The following CLASP2 variants were observed in gnomAD, a reference collection of about 807,000 sequenced individuals.
The protein encoded by CLASP2 is CLIP-associating protein 2.
Under a neutral mutation model 194.4 loss-of-function variants are expected in CLASP2, and 47 were observed. That is an observed-to-expected ratio of 0.24 (90% CI 0.19 to 0.31). The LOEUF (loss-of-function observed/expected upper bound fraction) is 0.31, where lower values mean the gene tolerates loss of function less well. CLASP2 is among the 10% of genes least tolerant of loss of function. The pLI, the probability that CLASP2 is intolerant of heterozygous loss-of-function variation, is 1.00. For synonymous variants in CLASP2, 619 were observed against 633.5 expected (o/e 0.98, Z 0.34); for missense variants, 1,445 against 1,823.6 (o/e 0.79, Z 3.78).
intron 30 of CLASP2, 182 bp from the exon 31 acceptor site, chr3:33,545,023 C>T (rs1175781652): frequency 2.3e-5 from 8 of 352,236 alleles, no homozygotes; most frequent in Non-Finnish European, 2.5e-5. Context: ...ATTGACCTAC[C>T]TTTTTTTTTT....
intron 1 of CLASP2, among the ~76,000 whole-genome samples, chr3:33,706,399 G>C (rs1283241361): frequency 6.6e-6 from 1 of 152,148 alleles, no homozygotes; most frequent in East Asian, 1.9e-4. Context: ...TAAAATAAAT[G>C]AATCTAAATT....
chr3:33,687,176 T>TA, intron 4 of CLASP2, 41 bp from the exon 5 acceptor site: 1 of 1,277,110 alleles, frequency 7.8e-7, no homozygotes, highest in Non-Finnish European at 1.1e-6. Context: ...AATTTGTTTT[T>TA]AATAAACAGT....
chr3:33,611,949 A>G lies in CLASP2; in HGVS notation c.1388+52T>C, dbSNP rs1410179620. 5.1e-6 allele frequency: 6 copies of G among 1,169,306 alleles called. No individual in the cohort carries two copies. In the Admixed American group the frequency reaches 8.1e-5, roughly 16 times the overall value. 72.4% of individuals were successfully genotyped at this position (1,169,306 alleles called of 1,614,324 possible). On this transcript the variant is annotated intron_variant, in intron 13 of 38. Coordinates refer to ENST00000682230, the MANE Select transcript of CLASP2 (RefSeq NM_001365631.1). ...CTTGCAGCAGACAAATAATTAAACA[A>G]TGCAGTATCAGAGCTATACTAACAA...
intron 34 of CLASP2, among the ~76,000 whole-genome samples, chr3:33,523,524 A>G (rs972282549): frequency 1.3e-5 from 2 of 152,204 alleles, no homozygotes; most frequent in African/African-American, 4.8e-5. Flanking sequence ...TCAAAGTGCT[A>G]AAAGAAAAAA....
At chr3:33,584,550 G>A (rs1163608432) in intron 22 of CLASP2, among the ~76,000 whole-genome samples, 200 bp downstream of exon 22, 3 of 151,860 alleles carry the variant, frequency 2.0e-5, no homozygotes, top group African/African-American at 7.3e-5. Flanking sequence ...ACAGGCATGA[G>A]CCACTGTGCC....
At chr3:33,647,680 C>G (rs1293339574) in intron 7 of CLASP2, among the ~76,000 whole-genome samples, 9 of 152,152 alleles carry the variant, frequency 5.9e-5, no homozygotes. Flanking sequence ...AACAGGAGGG[C>G]AGATGGTTTT....
intron 23 of CLASP2, among the ~76,000 whole-genome samples, chr3:33,578,929 A>G (rs1455513287): frequency 6.6e-6 from 1 of 152,182 alleles, no homozygotes; most frequent in Admixed American, 6.5e-5. Context: ...TAAACTTGTG[A>G]TTCATCTGCT....
rs1320971713 is a variant in CLASP2, at chr3:33,497,494, G to C, written c.*1137C>G. 1.3e-5 allele frequency: 2 copies of C among 152,660 alleles called. No homozygotes were observed. Among genetic ancestry groups the C allele is most frequent in the East Asian group, 3.9e-4 (2 of 5,186 alleles). The allele number at this position is 152,660 out of a possible 1,614,324, so 9.5% of individuals were successfully genotyped here. ...GTAACAGAAAATCACCCTTTAAGTA[G>C]TTTTCCAAAAGACACTATAGGCAGC... is the stretch of plus-strand genomic sequence containing the variant. On this transcript the variant is annotated 3_prime_UTR_variant, in exon 39 of 39. Coordinates refer to ENST00000682230, the MANE Select transcript of CLASP2 (RefSeq NM_001365631.1).
At chr3:33,678,105 T>A (rs2089155293) in intron 6 of CLASP2, among the ~76,000 whole-genome samples, 1 of 151,852 alleles carries the variant, frequency 6.6e-6, no homozygotes, top group South Asian at 2.1e-4. Context: ...CAGAAGAGAC[T>A]ATCCAAGAAC....
chr3:33,677,087 C>G (rs7372802), intron 6 of CLASP2, among the ~76,000 whole-genome samples: 63,649 of 150,882 alleles, frequency 0.42, 13,662 homozygotes, highest in Admixed American at 0.52. Context: ...GAAATAGGAA[C>G]ACTTTTACAC....
intron 2 of CLASP2, among the ~76,000 whole-genome samples, chr3:33,695,293 T>C (rs201305543): frequency 1.4e-5 from 2 of 142,224 alleles, no homozygotes; most frequent in East Asian, 4.2e-4. Flanking sequence ...ACTCCTGTCC[T>C]CAAGCAATCC....
At chr3:33,700,247 C>G (rs1559677425) in intron 1 of CLASP2, among the ~76,000 whole-genome samples, 1 of 150,328 alleles carries the variant, frequency 6.7e-6, no homozygotes, top group African/African-American at 2.4e-5. Context: ...GCCAGCATGG[C>G]AAAACCCCAT....
intron 1 of CLASP2, among the ~76,000 whole-genome samples, chr3:33,705,474 G>T (rs1010201836): frequency 2.0e-5 from 3 of 152,140 alleles, no homozygotes; most frequent in Non-Finnish European, 4.4e-5. Flanking sequence ...TTACTGTGGT[G>T]ATGGGTGCAC....
intron 7 of CLASP2, among the ~76,000 whole-genome samples, chr3:33,659,913 T>C (rs2085000343): frequency 6.6e-6 from 1 of 152,244 alleles, no homozygotes; most frequent in Non-Finnish European, 1.5e-5. Flanking sequence ...AGTTATCTTA[T>C]TGACTCATAG....
In CLASP2 at chr3:33,690,382, G is replaced by A. The variant is rs955455130; in HGVS notation, c.275-450C>T. The stretch of plus-strand genomic sequence containing the variant: ...ACACCTTTTGTCTATTTCCTCAGCC[G>A]TAAATGTGGGTAGCAGTACTCATCT... On this transcript the variant is annotated intron_variant, in intron 2 of 38. Transcript: ENST00000682230. 1.1e-4 allele frequency among the ~76,000 whole-genome samples: 16 copies of A among 152,140 alleles called. No homozygotes were observed. The East Asian group carries it at 1.9e-3, about 18-fold the overall frequency.
At chr3:33,617,419 A>G (rs1352448440) in intron 12 of CLASP2, among the ~76,000 whole-genome samples, 1 of 152,190 alleles carries the variant, frequency 6.6e-6, no homozygotes, top group Non-Finnish European at 1.5e-5. Flanking sequence ...ATGAAGTTAG[A>G]AATCTATATT....
chr3:33,705,136 G>A (rs2092612410), intron 1 of CLASP2, among the ~76,000 whole-genome samples: 1 of 152,146 alleles, frequency 6.6e-6, no homozygotes. Flanking sequence ...GTCAAAGGTG[G>A]AAACAGCCCA....
chr3:33,532,866 T>A (rs1426778730), intron 34 of CLASP2, among the ~76,000 whole-genome samples: 1 of 152,090 alleles, frequency 6.6e-6, no homozygotes, highest in Non-Finnish European at 1.5e-5. Context: ...AATTTCTTGA[T>A]TTTGATGAGT....
chr3:33,704,787 G>A (rs541123149), intron 1 of CLASP2, among the ~76,000 whole-genome samples: 2 of 151,718 alleles, frequency 1.3e-5, no homozygotes, highest in South Asian at 4.2e-4. Flanking sequence ...TATATGAATG[G>A]CTTATAAGCA....
Sources: allele counts gnomAD v4.1 joint callset (sites outside exome capture counted in the v4.1 genomes callset), GRCh38; gene constraint gnomAD v4.1.1; transcripts MANE v1.5; gene names NCBI Gene and HGNC (gene_info 2026-07-23, HGNC 2026-07-21).